PHF21B: variants seen among roughly 807,000 people sequenced by gnomAD.
PHF21B encodes PHD finger protein 4.
In PHF21B, 22 loss-of-function variants were observed where a neutral mutation model predicts 62.2. That is an observed-to-expected ratio of 0.35 (90% CI 0.25 to 0.51). The LOEUF is 0.51. Ranked by LOEUF, PHF21B falls within the 20% of genes least tolerant of loss-of-function variation. PHF21B has a pLI of 0.97. For synonymous variants in PHF21B, 341 were observed against 314.7 expected (o/e 1.08, Z -0.88); for missense variants, 701 against 707.9 (o/e 0.99, Z 0.11).
intron 2 of PHF21B, among the ~76,000 whole-genome samples, chr22:44,986,683 C>G (rs2072955624): frequency 6.6e-6 from 1 of 152,156 alleles, no homozygotes; most frequent in South Asian, 2.1e-4. Flanking sequence ...CCCATCTGTC[C>G]ACTGCAACAG....
intron 2 of PHF21B, among the ~76,000 whole-genome samples, chr22:44,923,249 T>C (rs1048234621): frequency 6.6e-6 from 1 of 150,988 alleles, no homozygotes; most frequent in Admixed American, 6.6e-5. Context: ...AAAAAGATAA[T>C]GTTTTCAAAA....
intron 12 of PHF21B, among the ~76,000 whole-genome samples, chr22:44,884,584 T>A (rs1344705459): frequency 6.7e-6 from 1 of 150,198 alleles, no homozygotes; most frequent in Non-Finnish European, 1.5e-5. Flanking sequence ...ATCACTGTGA[T>A]CAGCACCATC....
intron 5 of PHF21B, among the ~76,000 whole-genome samples, chr22:44,901,333 A>T (rs1300739499): frequency 6.6e-6 from 1 of 152,144 alleles, no homozygotes; most frequent in Non-Finnish European, 1.5e-5. Context: ...TCCTCACATC[A>T]TCTTCTCCTC....
chr22:44,885,099 T>A (rs1037198529), intron 12 of PHF21B, among the ~76,000 whole-genome samples: 27 of 152,262 alleles, frequency 1.8e-4, no homozygotes, highest in African/African-American at 6.5e-4. Flanking sequence ...CTCCACATAC[T>A]GGCTTGCTGG....
rs536642068 is a variant in PHF21B, at chr22:44,991,022, T to C, written c.120+17523A>G. On this transcript the variant is annotated intron_variant, in intron 2 of 12. Coordinates refer to ENST00000313237, the MANE Select transcript of PHF21B (RefSeq NM_138415.5). ...CACACCCAGGCCTGCGAGGCGGGAA[T>C]CAAAGCCCCGCCCTGCCCACCTTCC... is the stretch of plus-strand genomic sequence containing the variant. Among the ~76,000 whole-genome samples the C allele has an allele frequency of 1.2e-4, 19 of 152,272 alleles. No homozygotes were observed. The South Asian group carries it at 3.7e-3, about 30-fold the overall frequency.
intron 2 of PHF21B, among the ~76,000 whole-genome samples, chr22:44,953,377 G>A (rs2072231961): frequency 6.6e-6 from 1 of 152,140 alleles, no homozygotes. Context: ...ACCCCTCCCT[G>A]CAAGTCTTAT....
chr22:44,988,422 G>A (rs867672478), intron 2 of PHF21B, among the ~76,000 whole-genome samples: 23 of 152,074 alleles, frequency 1.5e-4, no homozygotes, highest in African/African-American at 4.8e-4. Flanking sequence ...AGATCATGCC[G>A]CTGCACTCCA....
chr22:44,909,288 C>G (rs1315583114), intron 5 of PHF21B, among the ~76,000 whole-genome samples: 1 of 152,182 alleles, frequency 6.6e-6, no homozygotes, highest in African/African-American at 2.4e-5. Flanking sequence ...AAAGAGAATC[C>G]ACCCAGAATA....
intron 12 of PHF21B, among the ~76,000 whole-genome samples, chr22:44,884,811 T>C (rs934889259): frequency 2.0e-5 from 3 of 148,610 alleles, no homozygotes; most frequent in Admixed American, 2.0e-4. Flanking sequence ...CATATCATCA[T>C]CACCATCACC....
At chr22:44,963,691 T>C (rs1443779939) in intron 2 of PHF21B, among the ~76,000 whole-genome samples, 2 of 152,212 alleles carry the variant, frequency 1.3e-5, no homozygotes, top group Admixed American at 6.5e-5. Flanking sequence ...AGGGGCCATG[T>C]GGGGCTGAGT....
At chr22:45,000,203 C>CCTTCTA in intron 2 of PHF21B, among the ~76,000 whole-genome samples, 1 of 152,246 alleles carries the variant, frequency 6.6e-6, no homozygotes, top group East Asian at 1.9e-4. Flanking sequence ...AAGTTAAAAG[C>CCTTCTA]CTTCTAAACA....
chr22:44,938,242 T>A (rs1450915039), intron 2 of PHF21B, among the ~76,000 whole-genome samples: 1 of 152,102 alleles, frequency 6.6e-6, no homozygotes, highest in Non-Finnish European at 1.5e-5. Context: ...GCCTGGTTTT[T>A]TGTTTTTTTG....
At chr22:44,885,380 A>C (rs747047913) in intron 12 of PHF21B, 46 bp downstream of exon 12, 14 of 1,512,058 alleles carry the variant, frequency 9.3e-6, no homozygotes, top group Non-Finnish European at 1.2e-5. Context: ...GACCCGGGGC[A>C]CACCTGCAGG....
At chr22:44,955,304 A>C (rs1360086883) in intron 2 of PHF21B, among the ~76,000 whole-genome samples, 1 of 152,202 alleles carries the variant, frequency 6.6e-6, no homozygotes, top group African/African-American at 2.4e-5. Context: ...TCATCTGGGT[A>C]AACACCACCT....
At chr22:44,932,544 G>C (rs1180168965) in intron 2 of PHF21B, among the ~76,000 whole-genome samples, 1 of 152,222 alleles carries the variant, frequency 6.6e-6, no homozygotes, top group Non-Finnish European at 1.5e-5. Context: ...CTGTAAAATA[G>C]ACGGTCATTG....
intron 5 of PHF21B, among the ~76,000 whole-genome samples, chr22:44,905,036 C>T (rs930436495): frequency 1.3e-5 from 2 of 152,154 alleles, no homozygotes; most frequent in African/African-American, 4.8e-5. Flanking sequence ...CCTAGATTTG[C>T]TTTTATTAAT....
intron 2 of PHF21B, among the ~76,000 whole-genome samples, chr22:44,987,664 C>T (rs1182832290): frequency 6.6e-6 from 1 of 151,666 alleles, no homozygotes; most frequent in Non-Finnish European, 1.5e-5. Context: ...GTCATTACAT[C>T]CGGACCCCAG....
intron 3 of PHF21B, among the ~76,000 whole-genome samples, chr22:44,919,206 GGCAT>G (rs57166784): frequency 1.4e-5 from 2 of 138,368 alleles, no homozygotes; most frequent in African/African-American, 5.9e-5. Flanking sequence ...GTCTCTTTCT[GGCAT>G]GGCCCGATCA....
intron 12 of PHF21B, 86 bp downstream of exon 12, chr22:44,885,340 G>A: frequency 7.8e-7 from 1 of 1,276,612 alleles, no homozygotes; most frequent in Non-Finnish European, 1.1e-6. Flanking sequence ...CTACACCTGT[G>A]GTTCTAAGGA....
Sources: gnomAD v4.1 joint callset for allele counts (sites outside exome capture counted in the v4.1 genomes callset) on GRCh38, gnomAD v4.1.1 for gene constraint, MANE v1.5 for transcripts, NCBI Gene and HGNC (gene_info 2026-07-23, HGNC 2026-07-21) for gene names.